The following EMILIN2 variants were observed in gnomAD, a reference collection of about 807,000 sequenced individuals.
EMILIN2 encodes EMILIN-2.
EMILIN2 carries 71 observed loss-of-function variants against 87.1 expected under a neutral mutation model. The ratio of observed to expected loss-of-function variants is 0.82; its 90% CI spans 0.67 to 0.99. The LOEUF is 0.99. Among genes scored for constraint, EMILIN2 ranks in the 50% least tolerant of loss-of-function variants. The pLI, the probability that EMILIN2 is intolerant of heterozygous loss-of-function variation, is 0.00. For synonymous variants in EMILIN2, 581 were observed against 563.4 expected, an observed-to-expected ratio of 1.03 and a Z score of -0.44; for missense variants, 1,407 against 1,371.8, an observed-to-expected ratio of 1.03 and a Z score of -0.40.
Position 2,847,278 on chromosome 18 carries a change from C to T in EMILIN2, c.90C>T (p.Ala30=), listed in dbSNP as rs1490081564. 2 of 1,317,566 alleles carry T rather than the reference C, an allele frequency of 1.5e-6. No individual in the cohort carries two copies. The highest frequency in any genetic ancestry group is 1.9e-6 in the Non-Finnish European group (2 of 1,036,674). The allele number at this position is 1,317,566 out of a possible 1,614,324, so 81.6% of individuals were successfully genotyped here. The change falls in exon 1 of 8, where the codon GCC becomes GCT. Residue 30 remains alanine (A), a synonymous_variant. Transcript: ENST00000254528. This position sits in a 1 kb window ranked among gnomAD's most constrained non-coding sequence, Gnocchi z 4.5. ...TGGTTGGCGCGGGGCTGTGCCACGC[C>T]GGCCCGCAGCCCGGGTATCCCGCGC... ...LALVGAGLCH[A]GPQPGYPARP...
rs531887438 is a variant in EMILIN2 at position 2,885,861 on chromosome 18, G to C, written c.433+722G>C. On this transcript the variant is annotated intron_variant, in intron 3 of 7. Coordinates refer to ENST00000254528, the MANE Select transcript of EMILIN2 (RefSeq NM_032048.3). ...GTTCAGTCACAATAAATGCAGCCTA[G>C]GTTTTCTTATGAAATTAGATGCTTA... Among the ~76,000 whole-genome samples the C allele has an allele frequency of 1.2e-4, 19 of 152,256 alleles. No homozygotes were observed. The South Asian group carries it at 3.9e-3, about 32-fold the overall frequency.
At chr18:2,900,394 G>T (rs1369205763) in intron 4 of EMILIN2, among the ~76,000 whole-genome samples, 1 of 152,142 alleles carries the variant, frequency 6.6e-6, no homozygotes, top group Non-Finnish European at 1.5e-5. Flanking sequence ...TGGCTATGTT[G>T]AAAGGCTGGT....
chr18:2,906,508 G>C, intron 4 of EMILIN2: 1 of 324,870 alleles, frequency 3.1e-6, no homozygotes, highest in East Asian at 4.8e-5. Context: ...GGAGCCAAGA[G>C]TGAGGCCGGT....
In EMILIN2 at chr18:2,892,109, ACCCCGT is replaced by A. The variant is rs772946806; in HGVS notation, c.1983_1988del (p.His661_Val663delinsGln). On this transcript the variant is annotated inframe_deletion, in exon 4 of 8. Transcript: ENST00000254528. The stretch of plus-strand genomic sequence containing the variant: ...GTGGACACCCTGCCGTCCCCCCAGC[ACCCCGT>A]GGCTCATTGCTGCAGTCAGCTGGAG... 8 of 1,612,844 alleles carry A rather than the reference ACCCCGT, an allele frequency of 5.0e-6. No individual in the cohort carries two copies. The African/African-American group carries it at 1.1e-4, about 21-fold the overall frequency.
At chr18:2,889,686 T>C (rs1432354588) in intron 3 of EMILIN2, among the ~76,000 whole-genome samples, 5 of 138,668 alleles carry the variant, frequency 3.6e-5, no homozygotes, top group South Asian at 2.3e-4. Context: ...CTTCTTTTTT[T>C]CTTTTCTTTT....
chr18:2,869,782 G>GTT (rs2076709882), intron 2 of EMILIN2, among the ~76,000 whole-genome samples: 1 of 33,856 alleles, frequency 3.0e-5, no homozygotes, highest in Admixed American at 3.3e-4. Flanking sequence ...GTGTGTGTGT[G>GTT]TGTTTGTGTG....
intron 4 of EMILIN2, among the ~76,000 whole-genome samples, chr18:2,893,700 C>T (rs1468348655): frequency 6.6e-6 from 1 of 152,086 alleles, no homozygotes; most frequent in Non-Finnish European, 1.5e-5. Context: ...AGAGGGAGCT[C>T]GCGTTTTTGA....
chr18:2,870,584 C>T (rs1057299400), intron 2 of EMILIN2, among the ~76,000 whole-genome samples: 11 of 152,188 alleles, frequency 7.2e-5, no homozygotes, highest in African/African-American at 1.4e-4. Flanking sequence ...AGAAACACAA[C>T]GTGCTGGGGT....
At chr18:2,878,546 C>G (rs958309823) in intron 2 of EMILIN2, among the ~76,000 whole-genome samples, 1 of 151,890 alleles carries the variant, frequency 6.6e-6, no homozygotes, top group Non-Finnish European at 1.5e-5. Context: ...TTTACCAAAA[C>G]TTGAAAAGAA....
intron 4 of EMILIN2, chr18:2,906,259 C>T (rs1410149990): frequency 6.6e-6 from 1 of 152,452 alleles, no homozygotes; most frequent in Non-Finnish European, 1.5e-5. Context: ...AAGTCCCTTC[C>T]GCTGGCGACG....
chr18:2,860,323 G>T (rs1033215490), intron 2 of EMILIN2, among the ~76,000 whole-genome samples: 4 of 151,958 alleles, frequency 2.6e-5, no homozygotes, highest in Non-Finnish European at 5.9e-5. Flanking sequence ...TGCCGTGTTG[G>T]TGTGCTGCAC....
rs2076838991 is a variant in EMILIN2 at position 2,891,846 on chromosome 18, C to A, written c.1719C>A (p.Asp573Glu). ...GMEGALPNREDRAVRDSLHLL... is the reference protein window; with the variant it reads ...GMEGALPNREERAVRDSLHLL... ...AAGGTGCCTTGCCAAACAGGGAAGA[C>A]CGCGCAGTACGCGACAGCCTGCACC... The change falls in exon 4 of 8, where the codon GAC becomes GAA. Residue 573 changes from aspartate to glutamate, a missense_variant. Asp to Glu is a conservative substitution (Grantham distance 45, BLOSUM62 2). Transcript: ENST00000254528. This position sits in a 1 kb window ranked among gnomAD's most constrained non-coding sequence, Gnocchi z 4.6. 6.2e-7 allele frequency: 1 copy of A among 1,614,224 alleles called. No individual in the cohort carries two copies. The highest frequency in any genetic ancestry group is 2.2e-5 in the East Asian group (1 of 44,884).
intron 4 of EMILIN2, among the ~76,000 whole-genome samples, chr18:2,905,525 A>G (rs2076906401): frequency 6.6e-6 from 1 of 152,032 alleles, no homozygotes; most frequent in Non-Finnish European, 1.5e-5. Context: ...AAAAATGTGC[A>G]AAAGATAATT....
At chr18:2,896,637 G>A (rs2076865040) in intron 4 of EMILIN2, among the ~76,000 whole-genome samples, 1 of 150,844 alleles carries the variant, frequency 6.6e-6, no homozygotes, top group South Asian at 2.1e-4. Flanking sequence ...ATCGCACCCA[G>A]CTAATTTTTT....
intron 4 of EMILIN2, among the ~76,000 whole-genome samples, chr18:2,896,249 C>T (rs897045400): frequency 2.6e-5 from 4 of 152,078 alleles, no homozygotes; most frequent in African/African-American, 2.4e-5. Flanking sequence ...GATCTTGGCT[C>T]ACTGCAACCT....
At chr18:2,892,901 A>T (rs1248446992) in intron 4 of EMILIN2, among the ~76,000 whole-genome samples, 3 of 150,026 alleles carry the variant, frequency 2.0e-5, no homozygotes, top group African/African-American at 7.4e-5. Flanking sequence ...AAAATACAAA[A>T]ATTAGCTGGG....
chr18:2,892,093 C>T lies in EMILIN2; in HGVS notation c.1966C>T (p.Leu656=). ...TGAGCAAGAAAGGACAGTGGACACC[C>T]TGCCGTCCCCCCAGCACCCCGTGGC... ...VGEQERTVDT[L]PSPQHPVAHC... The change falls in exon 4 of 8, where the codon CTG becomes TTG. Residue 656 remains leucine, a synonymous_variant. Coordinates refer to ENST00000254528, the MANE Select transcript of EMILIN2 (RefSeq NM_032048.3). 1 of 1,613,912 alleles carries T rather than the reference C, an allele frequency of 6.2e-7. No homozygotes were observed.
rs1363529459 is a variant in EMILIN2, at chr18:2,906,791, T to TCGCCCC, written c.2373_2378dup (p.Pro793_Pro794dup). 7.9e-7 allele frequency: 1 copy of TCGCCCC among 1,263,702 alleles called. No homozygotes were observed. The highest frequency in any genetic ancestry group is 9.9e-7 in the Non-Finnish European group (1 of 1,009,372). The allele number at this position is 1,263,702 out of a possible 1,614,324, so 78.3% of individuals were successfully genotyped here. On this transcript the variant is annotated inframe_insertion, in exon 5 of 8. Transcript: ENST00000254528. ...TCCCCGACGCCCGGCAGAGGCGCCC[T>TCGCCCC]CGCCCCCGCCGCCCGCAGAGGCCCC...
At position 2,909,824 on chromosome 18, in the gene EMILIN2, GTGTT is replaced by G; in HGVS notation, c.2824+8_2824+11del. 2 of 1,613,084 alleles carry G rather than the reference GTGTT, an allele frequency of 1.2e-6. No homozygotes were observed. The highest frequency in any genetic ancestry group is 1.3e-5 in the African/African-American group (1 of 74,998). On this transcript the variant is annotated splice_donor_region_variant and intron_variant, in intron 7 of 7. Coordinates refer to ENST00000254528, the MANE Select transcript of EMILIN2 (RefSeq NM_032048.3). Reference sequence around the variant, plus strand: ...ATGTTTACAACCCCAGCACCGGTGAGTGTTTGAACGGAACTGGTACTGTGTCCTC... The same window carrying G: ...ATGTTTACAACCCCAGCACCGGTGAGTGAACGGAACTGGTACTGTGTCCTC...
Sources: allele counts gnomAD v4.1 joint callset (sites outside exome capture counted in the v4.1 genomes callset), GRCh38; gene constraint gnomAD v4.1.1; non-coding constraint Gnocchi (gnomAD v3.1); transcripts MANE v1.5; gene names NCBI Gene and HGNC (gene_info 2026-07-23, HGNC 2026-07-21).